Variants in CD84 observed in about 807,000 individuals in gnomAD.
CD84 encodes the protein CD84 molecule, also known as SLAM family member 5.
Under a neutral mutation model 33.8 loss-of-function variants are expected in CD84, and 22 were observed. The ratio of observed to expected loss-of-function variants is 0.65; its 90% CI spans 0.46 to 0.93. The LOEUF is 0.93. Ranked by LOEUF, CD84 falls within the 40% of genes least tolerant of loss-of-function variation. The probability of loss-of-function intolerance (pLI) is 0.00; values close to 1 mark genes in which losing one functional copy is unlikely to be tolerated. For synonymous variants in CD84, 154 were observed against 145.2 expected (o/e 1.06, Z -0.44); for missense variants, 400 against 397.6 (o/e 1.01, Z -0.05).
Position 160,543,453 on chromosome 1 carries a change from T to C in CD84, c.*4803A>G, listed in dbSNP as rs540999157. On this transcript the variant is annotated 3_prime_UTR_variant, in exon 7 of 7. Coordinates refer to ENST00000368054, the MANE Select transcript of CD84 (RefSeq NM_003874.4). ...CAAGGTATTCATATGTCAGCCTTAG[T>C]GTTAACTGGAAGAATTAATTTCTAC... The C allele has an allele frequency of 6.6e-6, 1 of 152,232 alleles. No homozygotes were observed. Among genetic ancestry groups the C allele is most frequent in the South Asian group, 2.1e-4 (1 of 4,824 alleles). 9.4% of individuals were successfully genotyped at this position (152,232 alleles called of 1,614,324 possible). A position where few individuals can be genotyped will look rare whatever the true frequency, so the allele number is the denominator to read the frequency against.
intron 2 of CD84, among the ~76,000 whole-genome samples, chr1:160,556,103 T>C (rs1238661515): frequency 6.6e-6 from 1 of 152,182 alleles, no homozygotes; most frequent in African/African-American, 2.4e-5. Flanking sequence ...TAGGGAGTGC[T>C]TGGTGTTTAC....
At chr1:160,550,008 A>AG in intron 5 of CD84, 29 bp from the exon 6 acceptor site, 1 of 1,470,966 alleles carries the variant, frequency 6.8e-7, no homozygotes, top group Non-Finnish European at 9.4e-7. Flanking sequence ...CCCCTCAGTG[A>AG]GGGAGCCCAG....
At chr1:160,563,733 C>G (rs1571370196) in intron 2 of CD84, among the ~76,000 whole-genome samples, 2 of 152,036 alleles carry the variant, frequency 1.3e-5, no homozygotes, top group Middle Eastern at 6.8e-3. Flanking sequence ...CACATGTACC[C>G]CTGAACTTAA....
chr1:160,561,870 C>T (rs1656995645), intron 2 of CD84, among the ~76,000 whole-genome samples: 1 of 152,100 alleles, frequency 6.6e-6, no homozygotes, highest in Non-Finnish European at 1.5e-5. Context: ...ACACCAACAG[C>T]AGGCAAGCAG....
At chr1:160,569,960 T>A (rs542326528) in intron 1 of CD84, among the ~76,000 whole-genome samples, 311 of 152,242 alleles carry the variant, frequency 2.0e-3, no homozygotes, top group Non-Finnish European at 4.1e-3. Context: ...GAGTGAAGAT[T>A]AAAATAATGT....
rs190146588 is a variant in CD84 at position 160,566,359 on chromosome 1, T to C, written c.47-614A>G. Reference sequence around the variant, plus strand: ...GAGTGCCTAACACAGAGAAGGGGCTTAATAAATATTTGTGGAATTAATTGA... The same window carrying C: ...GAGTGCCTAACACAGAGAAGGGGCTCAATAAATATTTGTGGAATTAATTGA... On this transcript the variant is annotated intron_variant, in intron 1 of 6. Coordinates refer to ENST00000368054, the MANE Select transcript of CD84 (RefSeq NM_003874.4). 1.1e-4 allele frequency among the ~76,000 whole-genome samples: 17 copies of C among 152,324 alleles called. No individual in the cohort carries two copies. The East Asian group carries it at 3.3e-3, about 29-fold the overall frequency.
At chr1:160,564,285 A>C (rs1056376097) in intron 2 of CD84, among the ~76,000 whole-genome samples, 9 of 152,338 alleles carry the variant, frequency 5.9e-5, no homozygotes, top group Admixed American at 1.3e-4. Flanking sequence ...TAATAACACC[A>C]AATGCTAGTG....
chr1:160,553,552 T>C (rs1403585756), intron 3 of CD84, 55 bp from the exon 4 acceptor site: 6 of 1,605,282 alleles, frequency 3.7e-6, no homozygotes, highest in Non-Finnish European at 5.1e-6. Flanking sequence ...CCCAAGAGGC[T>C]GGGCAGGTTT....
chr1:160,566,594 A>G (rs74124870), intron 1 of CD84, among the ~76,000 whole-genome samples: 7,584 of 152,276 alleles, frequency 0.05, 644 homozygotes, highest in African/African-American at 0.17. Flanking sequence ...CGAGGAGCTG[A>G]GGATACAACG....
chr1:160,553,073 G>T (rs547210410), intron 4 of CD84: 9 of 566,254 alleles, frequency 1.6e-5, no homozygotes, highest in Non-Finnish European at 2.9e-5. Flanking sequence ...ACATGTGAGG[G>T]CCCTGAGCTG....
Position 160,579,485 on chromosome 1 carries a change from C to A in CD84, c.-48G>T. 6.2e-7 allele frequency: 1 copy of A among 1,601,892 alleles called. No homozygotes were observed. The highest frequency in any genetic ancestry group is 8.5e-7 in the Non-Finnish European group (1 of 1,174,656). On this transcript the variant is annotated 5_prime_UTR_variant, in exon 1 of 7. Transcript: ENST00000368054. ...GTGGAAAAGCACGGCACTGTTCTAG[C>A]AGAGTCAGTTTCACTTGAGTTTTCT...
chr1:160,554,820 A>C (rs1388103060), intron 2 of CD84, among the ~76,000 whole-genome samples: 6 of 152,062 alleles, frequency 3.9e-5, no homozygotes, highest in Non-Finnish European at 1.5e-5. Flanking sequence ...TAGGGATATA[A>C]ATGCTTAGCA....
At chr1:160,578,403 T>G (rs1037739081) in intron 1 of CD84, among the ~76,000 whole-genome samples, 1 of 152,128 alleles carries the variant, frequency 6.6e-6, no homozygotes, top group African/African-American at 2.4e-5. Context: ...TGACTAGTGG[T>G]TACAATCTCC....
intron 2 of CD84, 109 bp downstream of exon 2, chr1:160,565,295 G>A: frequency 2.7e-6 from 2 of 733,186 alleles, no homozygotes; most frequent in Non-Finnish European, 4.6e-6. Flanking sequence ...AGTATTTATA[G>A]ATATAAAAAG....
chr1:160,561,744 G>A (rs77766491), intron 2 of CD84, among the ~76,000 whole-genome samples: 1 of 152,110 alleles, frequency 6.6e-6, no homozygotes, highest in Non-Finnish European at 1.5e-5. Context: ...CAGATGACAT[G>A]ATCCTATATC....
chr1:160,549,721 G>A (rs192000831), intron 6 of CD84, among the ~76,000 whole-genome samples, 196 bp downstream of exon 6: 11 of 152,270 alleles, frequency 7.2e-5, no homozygotes, highest in East Asian at 3.9e-4. Flanking sequence ...AAGATAACTC[G>A]TGGATGGCCA....
Position 160,554,073 on chromosome 1 carries a change from T to C in CD84, c.462A>G (p.Thr154=). 3 of 1,614,232 alleles carry C rather than the reference T, an allele frequency of 1.9e-6. No individual in the cohort carries two copies. The highest frequency in any genetic ancestry group is 1.1e-5 in the South Asian group (1 of 91,088). The change falls in exon 3 of 7, where the codon ACA becomes ACG. Residue 154 remains threonine (T), a synonymous_variant. Coordinates refer to ENST00000368054, the MANE Select transcript of CD84 (RefSeq NM_003874.4). ...TCTTTTCTTCTTTCTCTACAGAGCA[T>C]GTCAGTGTGACATTACAGGTGCTGT... The part of the protein sequence containing the change: ...SVNSTCNVTL[T]CSVEKEEKNV...
At chr1:160,576,278 T>C (rs1343913276) in intron 1 of CD84, among the ~76,000 whole-genome samples, 1 of 152,210 alleles carries the variant, frequency 6.6e-6, no homozygotes, top group African/African-American at 2.4e-5. Context: ...GAAATGCCCA[T>C]GACCATGTTT....
chr1:160,568,301 A>G (rs1431639731), intron 1 of CD84, among the ~76,000 whole-genome samples: 1 of 152,116 alleles, frequency 6.6e-6, no homozygotes, highest in Non-Finnish European at 1.5e-5. Context: ...CTCCTGTAGC[A>G]AGTCATTCAG....
Sources: gnomAD v4.1 joint callset for allele counts (sites outside exome capture counted in the v4.1 genomes callset) on GRCh38, gnomAD v4.1.1 for gene constraint, MANE v1.5 for transcripts, NCBI Gene and HGNC (gene_info 2026-07-23, HGNC 2026-07-21) for gene names.